Variants in FES observed in about 807,000 individuals in gnomAD.
FES encodes the protein FES proto-oncogene, tyrosine kinase, also known as tyrosine-protein kinase Fes/Fps.
In FES, 83 loss-of-function variants were observed where a neutral mutation model predicts 109.6. That is an observed-to-expected ratio of 0.76 (90% confidence interval 0.63 to 0.91). The LOEUF (loss-of-function observed/expected upper bound fraction) is 0.91. FES is among the 40% of genes least tolerant of loss of function. The probability of loss-of-function intolerance (pLI) is 0.00; values close to 1 mark genes in which losing one functional copy is unlikely to be tolerated. For missense variants in FES, 943 were observed against 1,070.9 expected, an observed-to-expected ratio of 0.88 and a Z score of 1.67; for synonymous variants, 458 against 442.1, an observed-to-expected ratio of 1.04 and a Z score of -0.45.
chr15:90,893,885 G>A (rs922929557), intron 17 of FES, 51 bp from the exon 18 acceptor site: 1 of 1,610,742 alleles, frequency 6.2e-7, no homozygotes, highest in Non-Finnish European at 8.5e-7. Flanking sequence ...CCTCGCCCTG[G>A]CCCCAGGGAG....
rs1451818223 is a variant in FES, at chr15:90,885,393, C to A, written c.214-19C>A. The A allele has an allele frequency of 1.9e-6, 3 of 1,602,866 alleles. No individual in the cohort carries two copies. The highest frequency in any genetic ancestry group is 2.6e-6 in the Non-Finnish European group (3 of 1,173,866). ...GCCATTGTGCCCCCCTCCCTGCCTC[C>A]CCCATCTGTGCTGTATAGTCCTGGG... On this transcript the variant is annotated intron_variant, in intron 2 of 18. Transcript: ENST00000328850.
chr15:90,891,937 C>G lies in FES; in HGVS notation c.1654-121C>G, dbSNP rs1004150711. 8 of 1,232,464 alleles carry G rather than the reference C, an allele frequency of 6.5e-6. No homozygotes were observed. The African/African-American group carries it at 8.9e-5, about 14-fold the overall frequency. 76.3% of individuals were successfully genotyped at this position (1,232,464 alleles called of 1,614,324 possible). A position where few individuals can be genotyped will look rare whatever the true frequency, so the allele number is the denominator to read the frequency against. On this transcript the variant is annotated intron_variant, in intron 12 of 18. Coordinates refer to ENST00000328850, the MANE Select transcript of FES (RefSeq NM_002005.4). The stretch of plus-strand genomic sequence containing the variant: ...ACCCCGTAGTCATCTCAGTGTGCTC[C>G]CCACGTGGTCCCACCCCTGGTCACA...
chr15:90,891,207 A>G lies in FES; in HGVS notation c.1530+16A>G. 1 of 1,548,980 alleles carries G rather than the reference A, an allele frequency of 6.5e-7. No homozygotes were observed. The highest frequency in any genetic ancestry group is 1.2e-5 in the South Asian group (1 of 84,118). On this transcript the variant is annotated intron_variant, in intron 11 of 18. Transcript: ENST00000328850. ...GTCCTTGGATGTGAGTGGGGCTGGG[A>G]CCCGAGCCTTCCAGGCCTCACTCTT... is the stretch of plus-strand genomic sequence containing the variant.
intron 3 of FES, among the ~76,000 whole-genome samples, chr15:90,886,451 T>C (rs2032632114): frequency 6.6e-6 from 1 of 150,744 alleles, no homozygotes; most frequent in Non-Finnish European, 1.5e-5. Context: ...GAAACTGAGG[T>C]TGGGCGCTTG....
In FES at chr15:90,889,189, C is replaced by T. The variant is rs1300641453; in HGVS notation, c.669-117C>T. 23 of 1,388,292 alleles carry T rather than the reference C, an allele frequency of 1.7e-5. No homozygotes were observed. Among genetic ancestry groups the T allele is most frequent in the African/African-American group, 2.9e-5 (2 of 69,554 alleles). The allele number at this position is 1,388,292 out of a possible 1,614,324, so 86.0% of individuals were successfully genotyped here. A position where few individuals can be genotyped will look rare whatever the true frequency, so the allele number is the denominator to read the frequency against. ...TTTGCCTAGAGTGGCATGGCTAGCT[C>T]GAAGTGAGGCAGGGGTCAACCCCAG... On this transcript the variant is annotated intron_variant, in intron 5 of 18. Transcript: ENST00000328850. This position sits in a 1 kb window ranked among gnomAD's most constrained non-coding sequence, Gnocchi z 6.1.
chr15:90,895,190 C>T (rs1285724056), intron 18 of FES, among the ~76,000 whole-genome samples: 1 of 152,214 alleles, frequency 6.6e-6, no homozygotes, highest in Non-Finnish European at 1.5e-5. Flanking sequence ...TAATATGTCC[C>T]TTTCTCAGAT....
At position 90,891,149 on chromosome 15, in the gene FES, G is replaced by A. The variant is rs1396090295; in HGVS notation, c.1488G>A (p.Leu496=). The A allele has an allele frequency of 1.3e-6, 2 of 1,571,650 alleles. No homozygotes were observed. Among genetic ancestry groups the A allele is most frequent in the South Asian group, 1.2e-5 (1 of 85,904 alleles). ...AGCAGGAGTACGTGCTGTCGGTGCT[G>A]TGGGATGGTCTGCCCCGGCACTTCA... ...QGKQEYVLSV[L]WDGLPRHFII... is the part of the protein sequence containing the mutation. The change falls in exon 11 of 19, where the codon CTG becomes CTA. Residue 496 remains leucine (L), a synonymous_variant. Transcript: ENST00000328850.
At position 90,893,180 on chromosome 15, in the gene FES, T is replaced by C. The variant is rs750525451; in HGVS notation, c.1907T>C (p.Met636Thr). The change falls in exon 15 of 19, where the codon ATG becomes ACG. Residue 636 changes from methionine to threonine, a missense_variant. Physicochemically the swap from Met to Thr is moderately conservative, Grantham distance 81. Transcript: ENST00000328850. The part of the protein sequence containing the change: ...CTQKQPIYIV[M>T]ELVQGGDFLT... ...CAGAAGCAGCCCATCTACATCGTCA[T>C]GGAGCTTGTGCAGGGTGAGCGCGGG... 5.0e-6 allele frequency: 8 copies of C among 1,613,958 alleles called. No homozygotes were observed. The highest frequency in any genetic ancestry group is 2.2e-5 in the East Asian group (1 of 44,882).
intron 12 of FES, 22 bp from the exon 13 acceptor site, chr15:90,892,036 C>G: frequency 6.2e-7 from 1 of 1,614,058 alleles, no homozygotes; most frequent in Non-Finnish European, 8.5e-7. Context: ...ACTTCTGATC[C>G]CCTGTCTCCT....
In FES at chr15:90,894,062, A is replaced by G; in HGVS notation, c.2326+4A>G. ...ACACGGGAGTTTGTGGAGAAGGGTA[A>G]GCACCCTGTGATGACAGCAGCCTCA... On this transcript the variant is annotated splice_donor_region_variant and intron_variant, in intron 18 of 18. Transcript: ENST00000328850. 1.2e-6 allele frequency: 2 copies of G among 1,613,586 alleles called. No homozygotes were observed. Among genetic ancestry groups the G allele is most frequent in the Non-Finnish European group, 1.7e-6 (2 of 1,179,928 alleles).
intron 3 of FES, 98 bp downstream of exon 3, chr15:90,885,683 G>A (rs965563936): frequency 1.3e-5 from 19 of 1,487,530 alleles, no homozygotes; most frequent in East Asian, 2.4e-5. Context: ...CTGGGGAAGT[G>A]TAAGTCCCTG....
rs777177416 is a variant in FES, at chr15:90,887,012, C to T, written c.439C>T (p.Arg147Trp). ...GAAGAGCCAGTACCGAGCTCTGGCA[C>T]GGGACAGTGCCCAAGCCAAGCGCAA... is the stretch of plus-strand genomic sequence containing the variant. Reference protein sequence around the residue: ...KLKSQYRALARDSAQAKRKYQ... With the variant: ...KLKSQYRALAWDSAQAKRKYQ... The change falls in exon 4 of 19, where the codon CGG (arginine) becomes TGG (tryptophan). Residue 147 changes from arginine to tryptophan, a missense_variant. Physicochemically the swap from Arg to Trp is moderately radical, Grantham distance 101 (BLOSUM62 -3). Transcript: ENST00000328850. 2.0e-5 allele frequency: 32 copies of T among 1,614,146 alleles called. No homozygotes were observed. The highest frequency in any genetic ancestry group is 2.5e-5 in the Non-Finnish European group (29 of 1,180,038).
rs371749738 is a variant in FES at position 90,893,376 on chromosome 15, T to C, written c.2007T>C (p.Ala669=). Residue 669 remains alanine, a synonymous_variant, in exon 16 of 19, where the codon GCT becomes GCC. Transcript: ENST00000328850. ...TGCAGATGGTGGGGGATGCAGCTGC[T>C]GGCATGGAGTACCTGGAGAGCAAGT... ...TLLQMVGDAA[A]GMEYLESKCC... The C allele has an allele frequency of 1.3e-6, 2 of 1,560,678 alleles. No homozygotes were observed. Among genetic ancestry groups the C allele is most frequent in the African/African-American group, 2.7e-5 (2 of 73,204 alleles).
In FES at chr15:90,893,284, C is replaced by G. The variant is rs996371153; in HGVS notation, c.1922-7C>G. 6.2e-7 allele frequency: 1 copy of G among 1,605,604 alleles called. No homozygotes were observed. The highest frequency in any genetic ancestry group is 2.2e-5 in the East Asian group (1 of 44,798). On this transcript the variant is annotated splice_region_variant and splice_polypyrimidine_tract_variant and intron_variant, in intron 15 of 18. Coordinates refer to ENST00000328850, the MANE Select transcript of FES (RefSeq NM_002005.4). ...GGAGGCTCAGCAGGGGTCCTCCCCA[C>G]CTGCAGGGGGCGACTTCCTGACCTT...
At chr15:90,887,403 C>T in intron 5 of FES, 33 bp downstream of exon 5, 1 of 1,575,260 alleles carries the variant, frequency 6.3e-7, no homozygotes, top group South Asian at 1.1e-5. Context: ...TGGCCCCCAC[C>T]CTTGAGCAGC....
chr15:90,886,370 A>G (rs943289858), intron 3 of FES, among the ~76,000 whole-genome samples: 3 of 152,228 alleles, frequency 2.0e-5, no homozygotes, highest in Admixed American at 6.5e-5. Flanking sequence ...AGCGTAAAAT[A>G]TTTATTTACT....
Position 90,890,105 on chromosome 15 carries a change from G to T in FES, c.1063G>T (p.Gly355Cys), listed in dbSNP as rs1251132579. ...THPRERVQLL[G>C]KRQVLQEALQ... The stretch of plus-strand genomic sequence containing the variant: ...CCCTGCCTGCAGGGTGCAGCTGCTG[G>T]GCAAGAGGCAAGTGCTGCAAGAAGC... Residue 355 changes from glycine (G) to cysteine (C), a missense_variant, in exon 9 of 19, where the codon GGC becomes TGC. Gly to Cys is a radical substitution (Grantham distance 159). Coordinates refer to ENST00000328850, the MANE Select transcript of FES (RefSeq NM_002005.4). 1 of 1,561,444 alleles carries T rather than the reference G, an allele frequency of 6.4e-7. No individual in the cohort carries two copies. Among genetic ancestry groups the T allele is most frequent in the Non-Finnish European group, 8.6e-7 (1 of 1,157,060 alleles).
In FES at chr15:90,885,054, C is replaced by T. The variant is rs752563080; in HGVS notation, c.9C>T (p.Phe3=). The T allele has an allele frequency of 3.7e-6, 6 of 1,610,472 alleles. No individual in the cohort carries two copies. Among genetic ancestry groups the T allele is most frequent in the South Asian group, 1.1e-5 (1 of 90,914 alleles). MG[F]SSELCSPQGH... Reference sequence around the variant, plus strand: ...GTCCCCAGAACAGCACTATGGGCTTCTCTTCCGAGCTGTGCAGCCCCCAGG... The same window carrying T: ...GTCCCCAGAACAGCACTATGGGCTTTTCTTCCGAGCTGTGCAGCCCCCAGG... The change falls in exon 2 of 19, where the codon TTC becomes TTT. Residue 3 remains phenylalanine, a synonymous_variant. Transcript: ENST00000328850.
At chr15:90,894,510 A>G (rs532903478) in intron 18 of FES, among the ~76,000 whole-genome samples, 18 of 152,078 alleles carry the variant, frequency 1.2e-4, no homozygotes, top group African/African-American at 4.1e-4. Context: ...GCTTGAACCC[A>G]GGAGGCGGAG....
Sources: allele counts gnomAD v4.1 joint callset (sites outside exome capture counted in the v4.1 genomes callset), GRCh38; gene constraint gnomAD v4.1.1; non-coding constraint Gnocchi (gnomAD v3.1); transcripts MANE v1.5; gene names NCBI Gene and HGNC (gene_info 2026-07-23, HGNC 2026-07-21).